PCDH15: variants seen among roughly 807,000 people sequenced by gnomAD.
The protein encoded by PCDH15 is protocadherin-15.
Under a neutral mutation model 178.5 loss-of-function variants are expected in PCDH15, and 129 were observed. The ratio of observed to expected loss-of-function variants is 0.72; its 90% CI spans 0.63 to 0.84. PCDH15 has a LOEUF of 0.84. Ranked by LOEUF, PCDH15 falls within the 40% of genes least tolerant of loss-of-function variation. The pLI is 0.00. For synonymous variants in PCDH15, 800 were observed against 732.0 expected (o/e 1.09, Z -1.50); for missense variants, 2,230 against 2,099.9 (o/e 1.06, Z -1.21).
intron 1 of PCDH15, among the ~76,000 whole-genome samples, chr10:55,311,372 C>T (rs1349912128): frequency 6.6e-6 from 1 of 152,144 alleles, no homozygotes; most frequent in Non-Finnish European, 1.5e-5. Flanking sequence ...TTCAGTCCTG[C>T]ATTCAAGAGT....
chr10:55,618,234 A>G (rs1331158490), intron 2 of PCDH15, among the ~76,000 whole-genome samples: 1 of 151,982 alleles, frequency 6.6e-6, no homozygotes, highest in African/African-American at 2.4e-5. Flanking sequence ...TTCTTGTTTC[A>G]TTTTTAATTC....
At chr10:54,714,335 A>G (rs2095455576) in intron 1 of PCDH15, among the ~76,000 whole-genome samples, 1 of 152,132 alleles carries the variant, frequency 6.6e-6, no homozygotes, top group Non-Finnish European at 1.5e-5. Flanking sequence ...AGAGACTGAT[A>G]GGTAATATGA....
At chr10:55,597,594 C>T (rs576437579) in intron 2 of PCDH15, among the ~76,000 whole-genome samples, 3 of 152,154 alleles carry the variant, frequency 2.0e-5, no homozygotes, top group Non-Finnish European at 4.4e-5. Context: ...TATAATACTT[C>T]AAGCATCCCT....
chr10:55,222,074 A>C (rs1302539138), intron 1 of PCDH15, among the ~76,000 whole-genome samples: 2 of 149,194 alleles, frequency 1.3e-5, no homozygotes, highest in Non-Finnish European at 3.0e-5. Flanking sequence ...ACGGGGTTTC[A>C]CCGTGTTAGC....
At chr10:55,551,265 A>G (rs1841998341) in intron 2 of PCDH15, among the ~76,000 whole-genome samples, 1 of 152,014 alleles carries the variant, frequency 6.6e-6, no homozygotes, top group Non-Finnish European at 1.5e-5. Flanking sequence ...TTTTTAATTC[A>G]TAAAACTGAA....
chr10:54,276,076 G>A (rs948193945), intron 8 of PCDH15, among the ~76,000 whole-genome samples: 1 of 149,126 alleles, frequency 6.7e-6, no homozygotes, highest in African/African-American at 2.6e-5. Flanking sequence ...CATCTTTATG[G>A]TATTTAAATA....
intron 1 of PCDH15, among the ~76,000 whole-genome samples, chr10:55,215,280 T>G (rs1840673903): frequency 1.3e-5 from 2 of 152,254 alleles, no homozygotes; most frequent in South Asian, 4.1e-4. Flanking sequence ...TTCTTTTTAG[T>G]ACTGAATTAT....
intron 25 of PCDH15, among the ~76,000 whole-genome samples, chr10:53,912,955 T>C (rs576258047): frequency 1.3e-5 from 2 of 152,178 alleles, no homozygotes; most frequent in East Asian, 1.9e-4. Context: ...AAAGTTCATA[T>C]GGAACAAAAA....
intron 1 of PCDH15, among the ~76,000 whole-genome samples, chr10:55,212,520 T>C (rs531008649): frequency 6.6e-6 from 1 of 152,118 alleles, no homozygotes; most frequent in South Asian, 2.1e-4. Context: ...AATGAAACTG[T>C]TTCAGAAAGA....
intron 13 of PCDH15, among the ~76,000 whole-genome samples, chr10:54,163,017 C>T (rs1027652670): frequency 4.7e-5 from 7 of 150,038 alleles, no homozygotes; most frequent in African/African-American, 1.7e-4. Context: ...AGAAGGTGAA[C>T]AGTAAAGTTA....
intron 21 of PCDH15, among the ~76,000 whole-genome samples, chr10:53,991,515 A>T (rs1046896622): frequency 6.6e-6 from 1 of 151,570 alleles, no homozygotes; most frequent in Non-Finnish European, 1.5e-5. Flanking sequence ...TGTCTAGCTC[A>T]AGGTTTGTAA....
intron 3 of PCDH15, among the ~76,000 whole-genome samples, chr10:54,394,303 G>A (rs1024806804): frequency 6.7e-6 from 1 of 149,692 alleles, no homozygotes; most frequent in South Asian, 2.1e-4. Flanking sequence ...AACCTGCCCC[G>A]ATATTCATGT....
At chr10:54,720,624 A>G (rs2132496346) in intron 1 of PCDH15, among the ~76,000 whole-genome samples, 1 of 152,210 alleles carries the variant, frequency 6.6e-6, no homozygotes, top group South Asian at 2.1e-4. Context: ...TTACTACCAG[A>G]TCACCTTACA....
At chr10:53,821,659 AAAGT>A in intron 32 of PCDH15, 9 of 1,345,480 alleles carry the variant, frequency 6.7e-6, no homozygotes, top group South Asian at 1.8e-5. Context: ...TAGTTTTTAA[AAAGT>A]AAGGTAAATC....
chr10:54,413,205 T>G (rs1224439084), intron 3 of PCDH15, among the ~76,000 whole-genome samples: 2 of 152,196 alleles, frequency 1.3e-5, no homozygotes, highest in Non-Finnish European at 2.9e-5. Context: ...GCAAAATTTT[T>G]TAATAGACAA....
At chr10:55,403,610 T>C (rs947588261) in intron 2 of PCDH15, among the ~76,000 whole-genome samples, 2 of 151,936 alleles carry the variant, frequency 1.3e-5, no homozygotes, top group African/African-American at 2.4e-5. Flanking sequence ...ACTGCACCAT[T>C]TATTAAAGAG....
intron 3 of PCDH15, among the ~76,000 whole-genome samples, chr10:54,426,663 T>A (rs1237425173): frequency 6.6e-6 from 1 of 151,152 alleles, no homozygotes; most frequent in East Asian, 1.9e-4. Flanking sequence ...AAAATTAGAT[T>A]TTTTTTTTAA....
In PCDH15 at chr10:55,317,354, A is replaced by G. The variant is rs1024159941; in HGVS notation, c.-156+2245T>C. On this transcript the variant is annotated intron_variant, in intron 1 of 5. Coordinates refer to the PCDH15 transcript ENST00000458638. ...TATTTCTTACATCAAAAAAATTAAG[A>G]ACTCTAATAGGGCCTTATAGGCAGT... Among the ~76,000 whole-genome samples the G allele has an allele frequency of 4.6e-5, 7 of 152,300 alleles. No individual in the cohort carries two copies. The South Asian group carries it at 1.4e-3, about 32-fold the overall frequency.
At chr10:54,526,335 G>C (rs2083361327) in intron 3 of PCDH15, among the ~76,000 whole-genome samples, 2 of 152,122 alleles carry the variant, frequency 1.3e-5, no homozygotes, top group South Asian at 2.1e-4. Flanking sequence ...CAAATGAATT[G>C]GTTAACAATT....
Sources: allele counts gnomAD v4.1 joint callset (sites outside exome capture counted in the v4.1 genomes callset), GRCh38; gene constraint gnomAD v4.1.1; transcripts MANE v1.5; gene names NCBI Gene and HGNC (gene_info 2026-07-23, HGNC 2026-07-21).